Variants in LPP observed in about 807,000 individuals in gnomAD.
LPP encodes LIM domain containing preferred translocation partner in lipoma, also known as lipoma-preferred partner.
In LPP, 38 loss-of-function variants were observed where a neutral mutation model predicts 60.4. The ratio of observed to expected loss-of-function variants is 0.63; its 90% CI spans 0.49 to 0.83. The LOEUF (loss-of-function observed/expected upper bound fraction) is 0.83. Among genes scored for constraint, LPP ranks in the 40% least tolerant of loss-of-function variants. The pLI is 0.00. For missense variants in LPP, 902 were observed against 783.6 expected, an observed-to-expected ratio of 1.15 and a Z score of -1.80; for synonymous variants, 328 against 290.8, an observed-to-expected ratio of 1.13 and a Z score of -1.30.
At chr3:188,706,200 G>A (rs1865447708) in intron 7 of LPP, among the ~76,000 whole-genome samples, 1 of 152,168 alleles carries the variant, frequency 6.6e-6, no homozygotes, top group Non-Finnish European at 1.5e-5. Flanking sequence ...GTCAGTCAAG[G>A]ATGAGCTCTT....
chr3:188,708,462 A>C (rs1198966377), intron 8 of LPP, 69 bp downstream of exon 8: 1 of 1,599,360 alleles, frequency 6.3e-7, no homozygotes, highest in Non-Finnish European at 8.6e-7. Context: ...AGTAATTGGA[A>C]CTATTATCAG....
chr3:188,870,466 G>T (rs1767815235), intron 10 of LPP, among the ~76,000 whole-genome samples: 1 of 152,166 alleles, frequency 6.6e-6, no homozygotes. Context: ...TGCCAGAAAT[G>T]TGCCGGAATA....
At chr3:188,291,031 T>C (rs1327791997) in intron 2 of LPP, among the ~76,000 whole-genome samples, 1 of 152,228 alleles carries the variant, frequency 6.6e-6, no homozygotes, top group Non-Finnish European at 1.5e-5. Flanking sequence ...ATACCACTTT[T>C]TGAAAGGTAA....
In LPP at chr3:188,310,937, T is replaced by C. The variant is rs973851989; in HGVS notation, c.-66-30726T>C. On this transcript the variant is annotated intron_variant, in intron 2 of 11. Coordinates refer to ENST00000617246, the MANE Select transcript of LPP (RefSeq NM_001375462.1). Reference sequence around the variant, plus strand: ...AAGTGCTTTATTATAAGTTATCTTATTTAATTTTCACAGAGACCTGTTGAA... The same window carrying C: ...AAGTGCTTTATTATAAGTTATCTTACTTAATTTTCACAGAGACCTGTTGAA... Among the ~76,000 whole-genome samples, 6 of 152,212 alleles carry C rather than the reference T, an allele frequency of 3.9e-5. No homozygotes were observed. The South Asian group carries it at 6.2e-4, about 16-fold the overall frequency.
intron 4 of LPP, among the ~76,000 whole-genome samples, chr3:188,441,613 T>TC (rs1290391621): frequency 0.018 from 922 of 52,116 alleles, 1 homozygote; most frequent in African/African-American, 0.065. Flanking sequence ...TCTTTTCTTT[T>TC]TTTTTTTTTT....
Position 188,572,619 on chromosome 3 carries a change from A to G in LPP, c.430-36542A>G, listed in dbSNP as rs920387221. ...ATTGCATGAAATTGAGCTGAAATTC[A>G]TGTCTGCTAAATATGTGTACTCTGC... On this transcript the variant is annotated intron_variant, in intron 6 of 11. Transcript: ENST00000617246. The surrounding 1 kb of genome is among the most constrained non-coding windows in gnomAD (Gnocchi z 4.1). Among the ~76,000 whole-genome samples, 1 of 152,150 alleles carries G rather than the reference A, an allele frequency of 6.6e-6. No homozygotes were observed. Among genetic ancestry groups the G allele is most frequent in the Non-Finnish European group, 1.5e-5 (1 of 68,020 alleles).
At chr3:188,339,524 T>C (rs563176610) in intron 2 of LPP, among the ~76,000 whole-genome samples, 166 of 152,276 alleles carry the variant, frequency 1.1e-3, no homozygotes, top group Admixed American at 1.4e-3. Context: ...AGGAAACTTA[T>C]AATCATGGTG....
At chr3:188,873,851 G>A (rs1056013630) in intron 11 of LPP, among the ~76,000 whole-genome samples, 4 of 152,034 alleles carry the variant, frequency 2.6e-5, no homozygotes, top group South Asian at 2.1e-4. Context: ...TAAATACACC[G>A]AACCCACTGG....
At chr3:188,425,972 G>C (rs769852034) in intron 4 of LPP, among the ~76,000 whole-genome samples, 2 of 152,040 alleles carry the variant, frequency 1.3e-5, no homozygotes, top group Non-Finnish European at 2.9e-5. Context: ...TCTTATCTTA[G>C]TTATTTCTTG....
rs1282470339 is a variant in LPP, at chr3:188,524,706, C to T, written c.348C>T (p.Ser116=). The T allele has an allele frequency of 1.2e-6, 2 of 1,614,108 alleles. No homozygotes were observed. The highest frequency in any genetic ancestry group is 8.5e-7 in the Non-Finnish European group (1 of 1,179,972). The part of the protein sequence containing the change: ...GGKTLEERRS[S]LDAEIDSLTS... ...AGACACTTGAGGAGAGGCGCTCCAG[C>T]CTGGACGCTGAGATTGACTCCTTGA... Residue 116 remains serine (S), a synonymous_variant, in exon 6 of 12, where the codon AGC becomes AGT. Coordinates refer to ENST00000617246, the MANE Select transcript of LPP (RefSeq NM_001375462.1).
At chr3:188,421,364 G>C (rs768964028) in intron 4 of LPP, among the ~76,000 whole-genome samples, 1 of 152,122 alleles carries the variant, frequency 6.6e-6, no homozygotes, top group Non-Finnish European at 1.5e-5. Flanking sequence ...ATGGAAAGCA[G>C]CCATCTTTTT....
intron 8 of LPP, among the ~76,000 whole-genome samples, chr3:188,718,704 G>T (rs1023726364): frequency 6.6e-6 from 1 of 152,178 alleles, no homozygotes; most frequent in Admixed American, 6.5e-5. Context: ...TTTAATAGGT[G>T]TTAATGAATT....
chr3:188,490,658 C>T (rs1278099218), intron 5 of LPP, among the ~76,000 whole-genome samples: 4 of 151,882 alleles, frequency 2.6e-5, no homozygotes, highest in African/African-American at 9.7e-5. Flanking sequence ...GCCACCATGC[C>T]CGGCCTCATT....
intron 7 of LPP, among the ~76,000 whole-genome samples, chr3:188,639,897 G>T (rs1375610601): frequency 6.6e-6 from 1 of 151,956 alleles, no homozygotes. Context: ...TGGAGAAATA[G>T]GAACACTTTT....
At chr3:188,299,699 C>T (rs1470894427) in intron 2 of LPP, among the ~76,000 whole-genome samples, 2 of 152,034 alleles carry the variant, frequency 1.3e-5, no homozygotes, top group African/African-American at 4.8e-5. Flanking sequence ...GATGTTGGAC[C>T]TTGGGATGAG....
At chr3:188,636,527 G>A (rs1017973813) in intron 7 of LPP, among the ~76,000 whole-genome samples, 1 of 152,204 alleles carries the variant, frequency 6.6e-6, no homozygotes, top group East Asian at 1.9e-4. Flanking sequence ...AAAGCAGCCA[G>A]GAAGCTCGAA....
intron 3 of LPP, among the ~76,000 whole-genome samples, chr3:188,401,834 C>T (rs1047264678): frequency 3.4e-4 from 52 of 152,102 alleles, no homozygotes; most frequent in Non-Finnish European, 3.2e-4. Flanking sequence ...TGGGATTGTA[C>T]TATAAGGATG....
At chr3:188,341,925 C>T (rs897748077) in intron 3 of LPP, among the ~76,000 whole-genome samples, 2 of 152,068 alleles carry the variant, frequency 1.3e-5, no homozygotes, top group South Asian at 4.2e-4. Context: ...ATTCATAGCC[C>T]TTAAGGTTTA....
intron 1 of LPP, among the ~76,000 whole-genome samples, chr3:188,196,386 G>T (rs1729554678): frequency 6.6e-6 from 1 of 152,112 alleles, no homozygotes. Context: ...TGGAAACTGG[G>T]ACTCATTCCG....
Sources: allele counts gnomAD v4.1 joint callset (sites outside exome capture counted in the v4.1 genomes callset), GRCh38; gene constraint gnomAD v4.1.1; non-coding constraint Gnocchi (gnomAD v3.1); transcripts MANE v1.5; gene names NCBI Gene and HGNC (gene_info 2026-07-23, HGNC 2026-07-21).